The following FRAS1 variants were observed in gnomAD, a reference collection of about 807,000 sequenced individuals.
FRAS1 encodes the protein extracellular matrix organizing protein FRAS1.
FRAS1 carries 290 observed loss-of-function variants against 435.2 expected under a neutral mutation model. That is an observed-to-expected ratio of 0.67 (90% CI 0.61 to 0.73). The LOEUF is 0.73. FRAS1 is among the 30% of genes least tolerant of loss of function. FRAS1 has a pLI of 0.00. For missense variants in FRAS1, 4,860 were observed against 5,001.5 expected (o/e 0.97, Z 0.85); for synonymous variants, 1,800 against 1,851.0 (o/e 0.97, Z 0.71).
At chr4:78,217,682 A>T (rs1723827692) in intron 2 of FRAS1, among the ~76,000 whole-genome samples, 1 of 152,022 alleles carries the variant, frequency 6.6e-6, no homozygotes, top group African/African-American at 2.4e-5. Context: ...TGCAATTTTT[A>T]TGAATAATTT....
At chr4:78,173,680 G>T (rs142772566) in intron 2 of FRAS1, among the ~76,000 whole-genome samples, 1 of 152,142 alleles carries the variant, frequency 6.6e-6, no homozygotes, top group Non-Finnish European at 1.5e-5. Flanking sequence ...CTCAACTCAC[G>T]TCTTTCTATA....
intron 50 of FRAS1, among the ~76,000 whole-genome samples, chr4:78,468,673 C>T (rs1719611760): frequency 6.6e-6 from 1 of 152,206 alleles, no homozygotes; most frequent in Non-Finnish European, 1.5e-5. Context: ...GCCATTTTTA[C>T]TCATCCCTTT....
At chr4:78,140,657 G>A (rs555438994) in intron 2 of FRAS1, among the ~76,000 whole-genome samples, 26 of 139,338 alleles carry the variant, frequency 1.9e-4, no homozygotes, top group Admixed American at 4.8e-4. Flanking sequence ...ATGTATATAC[G>A]TATATACATA....
At chr4:78,118,677 A>G (rs1718816708) in intron 2 of FRAS1, among the ~76,000 whole-genome samples, 2 of 151,206 alleles carry the variant, frequency 1.3e-5, no homozygotes, top group African/African-American at 2.5e-5. Flanking sequence ...AAAGCACAGT[A>G]TCAGGGTGGG....
intron 4 of FRAS1, among the ~76,000 whole-genome samples, chr4:78,245,956 A>T (rs574363935): frequency 6.6e-6 from 1 of 152,202 alleles, no homozygotes; most frequent in East Asian, 1.9e-4. Context: ...ATCTTTGCAG[A>T]CATGGCCAAA....
At chr4:78,364,129 G>A (rs1731180602) in intron 22 of FRAS1, 75 bp downstream of exon 22, 11 of 1,456,052 alleles carry the variant, frequency 7.6e-6, no homozygotes, top group African/African-American at 1.4e-5. Flanking sequence ...GAAATGCGAG[G>A]TTCTTACTTC....
chr4:78,338,585 T>C (rs1395072929), intron 20 of FRAS1, among the ~76,000 whole-genome samples: 1 of 152,212 alleles, frequency 6.6e-6, no homozygotes, highest in Non-Finnish European at 1.5e-5. Flanking sequence ...CTTTATTAGC[T>C]GTTGCCTCAG....
At chr4:78,432,238 T>G (rs1306120677) in intron 37 of FRAS1, 119 bp from the exon 38 acceptor site, 1 of 971,416 alleles carries the variant, frequency 1.0e-6, no homozygotes. Flanking sequence ...TGGATTAGCC[T>G]GTAACTCCCT....
intron 71 of FRAS1, among the ~76,000 whole-genome samples, chr4:78,536,187 A>G (rs528495243): frequency 1.5e-5 from 2 of 137,032 alleles, no homozygotes; most frequent in Admixed American, 1.6e-4. Flanking sequence ...TATTTTGTAC[A>G]TGGATTTTTT....
chr4:78,372,055 C>G (rs781017169), intron 23 of FRAS1, among the ~76,000 whole-genome samples: 1 of 152,218 alleles, frequency 6.6e-6, no homozygotes, highest in African/African-American at 2.4e-5. Flanking sequence ...CCCCCTCCTG[C>G]TGTTCAGTGA....
chr4:78,375,962 T>TA, intron 26 of FRAS1, 83 bp downstream of exon 26: 1 of 1,484,114 alleles, frequency 6.7e-7, no homozygotes, highest in Non-Finnish European at 9.3e-7. Flanking sequence ...ATAATTGACT[T>TA]ATGTGATATA....
chr4:78,128,761 A>G (rs895585638), intron 2 of FRAS1, among the ~76,000 whole-genome samples: 7 of 152,162 alleles, frequency 4.6e-5, no homozygotes, highest in African/African-American at 1.7e-4. Flanking sequence ...TAGTTTAATG[A>G]GATCCCATTT....
At chr4:78,441,066 TAGA>T in intron 40 of FRAS1, 93 bp from the exon 41 acceptor site, 1 of 1,261,464 alleles carries the variant, frequency 7.9e-7, no homozygotes, top group East Asian at 2.3e-5. Flanking sequence ...GAATTGGTGC[TAGA>T]AGGTCACCCA....
At chr4:78,502,295 T>C (rs1197586563) in intron 61 of FRAS1, among the ~76,000 whole-genome samples, 1 of 152,226 alleles carries the variant, frequency 6.6e-6, no homozygotes, top group Non-Finnish European at 1.5e-5. Context: ...ATTGTATCTA[T>C]AAATTACCTT....
chr4:78,272,575 T>C (rs1726763901), intron 9 of FRAS1, among the ~76,000 whole-genome samples: 1 of 152,224 alleles, frequency 6.6e-6, no homozygotes, highest in Admixed American at 6.5e-5. Flanking sequence ...GGGAATCATT[T>C]CCCCGTTTCT....
intron 20 of FRAS1, among the ~76,000 whole-genome samples, chr4:78,355,154 A>G (rs1350732605): frequency 2.0e-5 from 3 of 152,142 alleles, no homozygotes; most frequent in South Asian, 4.1e-4. Flanking sequence ...CTTAAAAACA[A>G]TAAATGCATT....
intron 2 of FRAS1, among the ~76,000 whole-genome samples, chr4:78,150,154 G>A (rs1397095025): frequency 1.3e-5 from 2 of 152,192 alleles, no homozygotes; most frequent in East Asian, 3.8e-4. Context: ...CAGGCAGGAG[G>A]AAGGCCCCAG....
chr4:78,066,309 C>A (rs2109850173), intron 2 of FRAS1, among the ~76,000 whole-genome samples: 1 of 152,134 alleles, frequency 6.6e-6, no homozygotes, highest in East Asian at 1.9e-4. Flanking sequence ...AAATTAGATC[C>A]CATCCTTTTG....
At chr4:78,531,212 T>G (rs1461681854) in intron 70 of FRAS1, among the ~76,000 whole-genome samples, 1 of 152,242 alleles carries the variant, frequency 6.6e-6, no homozygotes, top group Non-Finnish European at 1.5e-5. Context: ...TTTGCTGAAG[T>G]TGCTTATCAG....
Sources: gnomAD v4.1 joint callset for allele counts (sites outside exome capture counted in the v4.1 genomes callset) on GRCh38, gnomAD v4.1.1 for gene constraint, MANE v1.5 for transcripts, NCBI Gene and HGNC (gene_info 2026-07-23, HGNC 2026-07-21) for gene names.